Variants in VPS13B observed in about 807,000 individuals in gnomAD.
VPS13B encodes the protein vacuolar protein sorting 13 homolog B.
Under a neutral mutation model 426.4 loss-of-function variants are expected in VPS13B, and 285 were observed. The ratio of observed to expected loss-of-function variants is 0.67; its 90% CI spans 0.61 to 0.74. The LOEUF is 0.74. Ranked by LOEUF, VPS13B falls within the 30% of genes least tolerant of loss-of-function variation. The probability of loss-of-function intolerance (pLI) is 0.00; values close to 1 mark genes in which losing one functional copy is unlikely to be tolerated. For missense variants in VPS13B, 4,537 were observed against 4,782.6 expected (o/e 0.95, Z 1.51); for synonymous variants, 1,676 against 1,676.4 (o/e 1.00, Z 0.01).
At chr8:99,245,877 T>A (rs1299950993) in intron 17 of VPS13B, among the ~76,000 whole-genome samples, 1 of 152,234 alleles carries the variant, frequency 6.6e-6, no homozygotes, top group African/African-American at 2.4e-5. Context: ...CAAAGCGGTA[T>A]GATTATTTTA....
chr8:99,511,005 A>G (rs1821762786), intron 28 of VPS13B, 99 bp from the exon 29 acceptor site: 8 of 1,329,554 alleles, frequency 6.0e-6, no homozygotes, highest in Admixed American at 1.8e-5. Flanking sequence ...GGTAAGACCA[A>G]GAGGTAAAAA....
At chr8:99,156,417 T>C in intron 14 of VPS13B, 132 bp from the exon 15 acceptor site, 2 of 776,734 alleles carry the variant, frequency 2.6e-6, no homozygotes, top group East Asian at 5.3e-5. Context: ...AAGAGAGTTC[T>C]GTAGAAAGGC....
At chr8:99,412,065 G>GT (rs1316473551) in intron 21 of VPS13B, among the ~76,000 whole-genome samples, 2 of 152,120 alleles carry the variant, frequency 1.3e-5, no homozygotes, top group African/African-American at 4.8e-5. Context: ...ATTTAAAGTA[G>GT]TTTTTTTATA....
chr8:99,645,033 G>A (rs76771200), intron 34 of VPS13B, among the ~76,000 whole-genome samples: 3,410 of 152,216 alleles, frequency 0.022, 138 homozygotes, highest in African/African-American at 0.078. Flanking sequence ...ACAATTCAAA[G>A]CTAAGAAGTG....
intron 19 of VPS13B, among the ~76,000 whole-genome samples, chr8:99,297,963 T>G (rs1820133864): frequency 6.6e-6 from 1 of 152,208 alleles, no homozygotes; most frequent in Non-Finnish European, 1.5e-5. Flanking sequence ...TTTTTCTAAT[T>G]TTTTACCAAT....
At chr8:99,696,391 A>G in intron 35 of VPS13B, 1 of 320,526 alleles carries the variant, frequency 3.1e-6, no homozygotes, top group South Asian at 3.0e-5. Flanking sequence ...CCATGCCAAG[A>G]TCGTGGTGCT....
At chr8:99,601,152 C>T (rs1389893047) in intron 33 of VPS13B, among the ~76,000 whole-genome samples, 1 of 152,006 alleles carries the variant, frequency 6.6e-6, no homozygotes, top group African/African-American at 2.4e-5. Flanking sequence ...CTCCCCTAGC[C>T]CCTGACCCCC....
intron 39 of VPS13B, among the ~76,000 whole-genome samples, chr8:99,732,317 C>A (rs930804759): frequency 3.9e-5 from 6 of 152,204 alleles, no homozygotes; most frequent in Admixed American, 3.3e-4. Flanking sequence ...CCCCAGCACC[C>A]TTTCCTTCAT....
chr8:99,710,600 G>A (rs962500020), intron 36 of VPS13B, among the ~76,000 whole-genome samples: 2 of 151,368 alleles, frequency 1.3e-5, no homozygotes, highest in African/African-American at 4.9e-5. Flanking sequence ...GAGTCCCAGG[G>A]ATTACTTTCG....
At chr8:99,797,519 T>C (rs986424021) in intron 43 of VPS13B, among the ~76,000 whole-genome samples, 1 of 152,214 alleles carries the variant, frequency 6.6e-6, no homozygotes, top group African/African-American at 2.4e-5. Context: ...CTTTTGTATA[T>C]ACTATTAATA....
At chr8:99,700,324 A>T (rs1832213386) in intron 36 of VPS13B, among the ~76,000 whole-genome samples, 1 of 152,198 alleles carries the variant, frequency 6.6e-6, no homozygotes. Context: ...TACAAATGCA[A>T]ATTCTCAGAC....
chr8:99,536,300 A>G (rs1292553962), intron 30 of VPS13B, among the ~76,000 whole-genome samples: 2 of 152,204 alleles, frequency 1.3e-5, no homozygotes, highest in East Asian at 3.8e-4. Context: ...TTTAAACTTT[A>G]ATATCAAATA....
chr8:99,542,169 G>A lies in VPS13B; in HGVS notation c.4746-14281G>A, dbSNP rs542351485. Among the ~76,000 whole-genome samples the A allele has an allele frequency of 5.3e-5, 8 of 152,248 alleles. No homozygotes were observed. The East Asian group carries it at 1.4e-3, about 26-fold the overall frequency. ...CTCCCAAAGTGCTGGGATTACAGAC[G>A]TGAGCCACCGTGCCTGGCCTAAGCA... is the stretch of plus-strand genomic sequence containing the variant. On this transcript the variant is annotated intron_variant, in intron 30 of 61. Transcript: ENST00000357162.
chr8:99,821,440 T>C lies in VPS13B; in HGVS notation c.9141T>C (p.Val3047=). 6.2e-7 allele frequency: 1 copy of C among 1,613,822 alleles called. No individual in the cohort carries two copies. The highest frequency in any genetic ancestry group is 1.3e-5 in the African/African-American group (1 of 75,024). The change falls in exon 50 of 62, where the codon GTT becomes GTC. Residue 3047 remains valine (V), a synonymous_variant. Transcript: ENST00000357162. The part of the protein sequence containing the change: ...EVVTLDEEAF[V]DTEIRLGAFP... ...TGACACTGGATGAAGAAGCGTTTGT[T>C]GATACTGAAATAAGACTTGGTGCTT...
chr8:99,136,410 G>T (rs575998724), intron 11 of VPS13B, among the ~76,000 whole-genome samples: 35 of 152,150 alleles, frequency 2.3e-4, no homozygotes, highest in African/African-American at 6.7e-4. Context: ...TCCATTGTAG[G>T]TATTTATTAA....
At chr8:99,652,208 C>G (rs1016734456) in intron 34 of VPS13B, among the ~76,000 whole-genome samples, 30 of 151,988 alleles carry the variant, frequency 2.0e-4, no homozygotes, top group African/African-American at 6.8e-4. Context: ...TTAGACCTCT[C>G]GGTACTAAGT....
At chr8:99,450,867 T>C (rs1470003677) in intron 23 of VPS13B, among the ~76,000 whole-genome samples, 5 of 152,186 alleles carry the variant, frequency 3.3e-5, no homozygotes. Flanking sequence ...TTATTTAGAT[T>C]CATGATGGAA....
At chr8:99,808,344 C>T (rs1320997112) in intron 43 of VPS13B, among the ~76,000 whole-genome samples, 1 of 151,808 alleles carries the variant, frequency 6.6e-6, no homozygotes. Context: ...ATGGTGAAAC[C>T]TCATCTCTAC....
chr8:99,742,344 AC>A (rs1395127412), intron 39 of VPS13B, among the ~76,000 whole-genome samples: 4 of 152,224 alleles, frequency 2.6e-5, no homozygotes, highest in Non-Finnish European at 5.9e-5. Flanking sequence ...TAGCTTAGCA[AC>A]CAAAAAGAGT....
Sources: allele counts gnomAD v4.1 joint callset (sites outside exome capture counted in the v4.1 genomes callset), GRCh38; gene constraint gnomAD v4.1.1; transcripts MANE v1.5; gene names NCBI Gene and HGNC (gene_info 2026-07-23, HGNC 2026-07-21).